PDE1C: variants seen among roughly 807,000 people sequenced by gnomAD.
PDE1C encodes phosphodiesterase 1C.
In PDE1C, 62 loss-of-function variants were observed where a neutral mutation model predicts 93.1. The observed-to-expected ratio is 0.67, with a 90% CI of 0.54 to 0.82. The LOEUF (loss-of-function observed/expected upper bound fraction) is 0.82. Ranked by LOEUF, PDE1C falls within the 40% of genes least tolerant of loss-of-function variation. PDE1C has a pLI of 0.00. For synonymous variants in PDE1C, 325 were observed against 310.1 expected, an observed-to-expected ratio of 1.05 and a Z score of -0.50; for missense variants, 742 against 884.6, an observed-to-expected ratio of 0.84 and a Z score of 2.04.
rs1789961376 is a variant in PDE1C, at chr7:31,828,407, A to G, written c.1204-34T>C. On this transcript the variant is annotated intron_variant, in intron 11 of 17. Transcript: ENST00000396191. ...ATAAAAGGTCATAGTAAATTAAGGA[A>G]CAGTAGGCTGGGTCACCCAGATTTC... 6 of 1,565,918 alleles carry G rather than the reference A, an allele frequency of 3.8e-6. No individual in the cohort carries two copies. The East Asian group carries it at 9.0e-5, about 24-fold the overall frequency.
the PDE1C span, among the ~76,000 whole-genome samples, chr7:31,729,953 G>A: frequency 2.0e-5 from 3 of 152,082 alleles, no homozygotes; most frequent in East Asian, 5.8e-4. Context: ...AGACTCATGG[G>A]GTACAAGTAT....
At chr7:31,825,251 A>C (rs1341970135) in intron 12 of PDE1C, among the ~76,000 whole-genome samples, 2 of 152,182 alleles carry the variant, frequency 1.3e-5, no homozygotes. Context: ...CACTGTGATA[A>C]GAGCTGTGTA....
chr7:32,010,450 A>G (rs1786924378), intron 2 of PDE1C, among the ~76,000 whole-genome samples: 4 of 152,216 alleles, frequency 2.6e-5, no homozygotes, highest in Admixed American at 2.0e-4. Flanking sequence ...GTAAATTTCC[A>G]TATTGAGTTT....
chr7:32,064,544 C>G (rs1404360621), intron 1 of PDE1C, among the ~76,000 whole-genome samples: 1 of 152,158 alleles, frequency 6.6e-6, no homozygotes, highest in Non-Finnish European at 1.5e-5. Context: ...AGTCGCATCT[C>G]CAATCTGTCC....
chr7:31,822,251 C>T (rs1357113350), intron 14 of PDE1C, among the ~76,000 whole-genome samples: 4 of 152,002 alleles, frequency 2.6e-5, no homozygotes, highest in Middle Eastern at 3.2e-3. Flanking sequence ...CTCTAGGAAG[C>T]CCAGTCCCCT....
In PDE1C at chr7:31,837,262, G is replaced by T; in HGVS notation, c.1121C>A (p.Thr374Lys). ...KPKALSLMLH[T>K]ADISHPAKAW... ...TTTTGCTGGATGGCTAATATCTGCTGTATGCAGCATAAGGGATAAGGCTTT... is the reference window on the plus strand; with the variant it reads ...TTTTGCTGGATGGCTAATATCTGCTTTATGCAGCATAAGGGATAAGGCTTT... Residue 374 changes from threonine to lysine, a missense_variant, in exon 11 of 18, where the codon ACA (threonine) becomes AAA (lysine). Thr to Lys is a moderately conservative substitution (Grantham distance 78). Transcript: ENST00000396191. 6.2e-7 allele frequency: 1 copy of T among 1,613,732 alleles called. No individual in the cohort carries two copies. Among genetic ancestry groups the T allele is most frequent in the Non-Finnish European group, 8.5e-7 (1 of 1,179,728 alleles).
At chr7:31,642,693 G>A in the PDE1C span, 3 of 1,613,282 alleles carry the variant, frequency 1.9e-6, no homozygotes, top group Non-Finnish European at 1.7e-6. Flanking sequence ...TGCCTTCCTT[G>A]CCAAACAGCC....
intron 1 of PDE1C, among the ~76,000 whole-genome samples, chr7:32,305,134 T>C (rs1019363195): frequency 6.6e-6 from 1 of 152,210 alleles, no homozygotes; most frequent in African/African-American, 2.4e-5. Context: ...CAGCGCCTGC[T>C]CAATCACTCT....
chr7:32,328,668 TAAC>T (rs1783451678), intron 1 of PDE1C, among the ~76,000 whole-genome samples: 1 of 151,378 alleles, frequency 6.6e-6, no homozygotes, highest in South Asian at 2.1e-4. Flanking sequence ...CTTGCTTGCC[TAAC>T]TACTATTCTT....
intron 1 of PDE1C, among the ~76,000 whole-genome samples, chr7:32,062,396 C>T (rs1484146216): frequency 6.6e-6 from 1 of 152,218 alleles, no homozygotes; most frequent in Non-Finnish European, 1.5e-5. Flanking sequence ...TCGCCTCCTT[C>T]CAGTCTGCGC....
rs889699958 is a variant in PDE1C at position 31,923,946 on chromosome 7, C to A, written c.129-43086G>T. On this transcript the variant is annotated intron_variant, in intron 2 of 17. Coordinates refer to ENST00000396191, the MANE Select transcript of PDE1C (RefSeq NM_001191057.4). ...GACATAGGTGTTATAATTTCTACTT[C>A]CTAAGATGAACTTTTTTTCTATTCA... 9.9e-5 allele frequency among the ~76,000 whole-genome samples: 15 copies of A among 152,178 alleles called. 1 individual carries two copies. Among genetic ancestry groups the A allele is most frequent in the African/African-American group, 3.6e-4 (15 of 41,444 alleles).
intron 3 of PDE1C, among the ~76,000 whole-genome samples, chr7:32,148,571 T>C (rs900517884): frequency 2.6e-5 from 4 of 152,194 alleles, no homozygotes; most frequent in Non-Finnish European, 4.4e-5. Context: ...TCTAAACTTA[T>C]ATATTTAAGT....
chr7:31,636,896 C>T, the PDE1C span, among the ~76,000 whole-genome samples: 4 of 123,764 alleles, frequency 3.2e-5, no homozygotes, highest in South Asian at 3.4e-4. Flanking sequence ...TCCCCCCACC[C>T]GACAACAGTC....
intron 1 of PDE1C, among the ~76,000 whole-genome samples, chr7:32,214,468 G>C (rs1315043978): frequency 6.6e-6 from 1 of 152,052 alleles, no homozygotes; most frequent in Non-Finnish European, 1.5e-5. Context: ...AATTACACAG[G>C]GCCTCTAGGG....
At chr7:32,405,184 T>C (rs974569956) in intron 1 of PDE1C, among the ~76,000 whole-genome samples, 1 of 152,104 alleles carries the variant, frequency 6.6e-6, no homozygotes, top group Non-Finnish European at 1.5e-5. Flanking sequence ...GATGAAGTCT[T>C]CAAAGAGATT....
At chr7:31,987,231 G>A (rs1261797657) in intron 2 of PDE1C, among the ~76,000 whole-genome samples, 6 of 152,138 alleles carry the variant, frequency 3.9e-5, no homozygotes, top group African/African-American at 1.4e-4. Context: ...GGAAATCTTT[G>A]CTAAAGAAAC....
chr7:32,165,732 G>A (rs1014024083), intron 3 of PDE1C, among the ~76,000 whole-genome samples: 5 of 152,114 alleles, frequency 3.3e-5, no homozygotes, highest in African/African-American at 4.8e-5. Flanking sequence ...GATTTGGGTG[G>A]GGACACAGAC....
At chr7:32,400,758 G>C (rs1002275540) in intron 1 of PDE1C, among the ~76,000 whole-genome samples, 2 of 152,230 alleles carry the variant, frequency 1.3e-5, no homozygotes, top group African/African-American at 4.8e-5. Flanking sequence ...ATGAAGCCAT[G>C]AATGGCAAAA....
At chr7:31,648,624 G>A in the PDE1C span, among the ~76,000 whole-genome samples, 13 of 152,094 alleles carry the variant, frequency 8.5e-5, no homozygotes, top group Non-Finnish European at 1.8e-4. Flanking sequence ...AACTACATGA[G>A]CATAAAATTC....
Sources: gnomAD v4.1 joint callset for allele counts (sites outside exome capture counted in the v4.1 genomes callset) on GRCh38, gnomAD v4.1.1 for gene constraint, MANE v1.5 for transcripts, NCBI Gene and HGNC (gene_info 2026-07-23, HGNC 2026-07-21) for gene names.